CERS3: variants seen among roughly 807,000 people sequenced by gnomAD.
The protein encoded by CERS3 is LAG1 homolog, ceramide synthase 3.
A neutral mutation model predicts 50.3 loss-of-function variants in CERS3; 33 were observed. That is an observed-to-expected ratio of 0.66 (90% CI 0.50 to 0.88). The LOEUF (loss-of-function observed/expected upper bound fraction) is 0.88. CERS3 is among the 40% of genes least tolerant of loss of function. CERS3 has a pLI of 0.00. For missense variants in CERS3, 470 were observed against 460.3 expected (o/e 1.02, Z -0.19); for synonymous variants, 176 against 155.2 (o/e 1.13, Z -0.99).
At chr15:100,416,658 C>T (rs552242270) in intron 11 of CERS3, among the ~76,000 whole-genome samples, 2 of 152,234 alleles carry the variant, frequency 1.3e-5, no homozygotes, top group Non-Finnish European at 2.9e-5. Context: ...GGAAGAGCCC[C>T]TTATAAAACC....
intron 2 of CERS3, among the ~76,000 whole-genome samples, chr15:100,512,548 G>A (rs1203584715): frequency 2.0e-5 from 3 of 152,112 alleles, no homozygotes; most frequent in Non-Finnish European, 4.4e-5. Context: ...CTTTCAAGAG[G>A]GTCTGCATGT....
chr15:100,436,319 G>A (rs1292862371), intron 11 of CERS3, among the ~76,000 whole-genome samples: 1 of 152,202 alleles, frequency 6.6e-6, no homozygotes, highest in Non-Finnish European at 1.5e-5. Flanking sequence ...CATGTCCTTT[G>A]CAGGAACGTG....
chr15:100,477,647 A>G (rs1394620460), intron 7 of CERS3, among the ~76,000 whole-genome samples: 3 of 152,182 alleles, frequency 2.0e-5, no homozygotes, highest in East Asian at 3.8e-4. Flanking sequence ...CATCCTATAC[A>G]TATCATAAAT....
rs968616210 is a variant in CERS3 at position 100,463,661 on chromosome 15, T to C, written c.845+5717A>G. Among the ~76,000 whole-genome samples the C allele has an allele frequency of 8.5e-5, 13 of 152,166 alleles. No individual in the cohort carries two copies. The East Asian group carries it at 2.5e-3, about 30-fold the overall frequency. On this transcript the variant is annotated intron_variant, in intron 10 of 11. Coordinates refer to ENST00000679737, the MANE Select transcript of CERS3 (RefSeq NM_001378789.1). ...CCTGTGGAGTGAGACAGTGAACACA[T>C]GTGGTAGAACAGGTAGTCTCCTTCA...
chr15:100,451,844 A>G (rs1254474215), intron 11 of CERS3, among the ~76,000 whole-genome samples: 1 of 152,244 alleles, frequency 6.6e-6, no homozygotes, highest in Non-Finnish European at 1.5e-5. Flanking sequence ...TATCAGATAC[A>G]GATAAAACAG....
rs529117290 is a variant in CERS3, at chr15:100,463,813, G to A, written c.845+5565C>T. Among the ~76,000 whole-genome samples the A allele has an allele frequency of 2.6e-5, 4 of 152,248 alleles. No homozygotes were observed. In the South Asian group the frequency reaches 8.3e-4, roughly 32 times the overall value. ...CCTTTTCTTTGCTGGTTGCGCAAAC[G>A]GCACTAAGCTGACCATGGTGCCATC... On this transcript the variant is annotated intron_variant, in intron 10 of 11. Transcript: ENST00000679737.
chr15:100,471,507 C>T (rs1026104483), intron 9 of CERS3, among the ~76,000 whole-genome samples: 5 of 152,072 alleles, frequency 3.3e-5, no homozygotes, highest in Non-Finnish European at 7.4e-5. Context: ...TGGACACACA[C>T]CAAAGGCAAT....
chr15:100,440,018 A>G (rs576826288), intron 11 of CERS3, among the ~76,000 whole-genome samples: 25 of 152,320 alleles, frequency 1.6e-4, no homozygotes, highest in African/African-American at 5.3e-4. Flanking sequence ...CTGTTTTCCA[A>G]GCTTCACTCC....
intron 5 of CERS3, among the ~76,000 whole-genome samples, chr15:100,482,366 G>A (rs567158975): frequency 1.2e-4 from 18 of 152,274 alleles, no homozygotes; most frequent in African/African-American, 4.3e-4. Flanking sequence ...AGAGTGGTGA[G>A]AGACACTGCT....
intron 11 of CERS3, among the ~76,000 whole-genome samples, chr15:100,405,084 G>A (rs1290075657): frequency 2.0e-5 from 3 of 152,096 alleles, no homozygotes; most frequent in Non-Finnish European, 4.4e-5. Flanking sequence ...GAAAAAACTG[G>A]CAAACTGGAA....
chr15:100,427,383 A>C (rs557332268), intron 11 of CERS3, among the ~76,000 whole-genome samples: 25 of 152,346 alleles, frequency 1.6e-4, no homozygotes, highest in Non-Finnish European at 2.8e-4. Context: ...CTATCAGCCC[A>C]TATTAAGTGG....
chr15:100,532,190 A>T (rs186708440), upstream of CERS3, among the ~76,000 whole-genome samples: 237 of 152,000 alleles, frequency 1.6e-3, 2 homozygotes, highest in East Asian at 3.9e-4. Context: ...ATGGGGAAGA[A>T]GGGGAAGCGG....
intron 10 of CERS3, among the ~76,000 whole-genome samples, chr15:100,462,096 A>G (rs1229394236): frequency 6.6e-6 from 1 of 152,162 alleles, no homozygotes; most frequent in Non-Finnish European, 1.5e-5. Context: ...GCTAGTCACC[A>G]CCTTACAGCA....
rs187300254 is a variant in CERS3, at chr15:100,412,506, T to C, written c.1000-9641A>G. ...AAGTTTGAGTACTTCAGCTTTGTTC[T>C]TTTTCAAATTTATAAGGGGTGCCCT... is the stretch of plus-strand genomic sequence containing the variant. On this transcript the variant is annotated intron_variant, in intron 11 of 11. Transcript: ENST00000679737. 2.0e-3 allele frequency among the ~76,000 whole-genome samples: 312 copies of C among 152,328 alleles called. 3 individuals carry two copies. The highest frequency in any genetic ancestry group is 7.2e-3 in the African/African-American group (298 of 41,584).
At chr15:100,504,454 T>C (rs1223781751) in intron 2 of CERS3, among the ~76,000 whole-genome samples, 1 of 151,938 alleles carries the variant, frequency 6.6e-6, no homozygotes, top group Non-Finnish European at 1.5e-5. Context: ...TGTTGGTCAG[T>C]CTGGTCTTGA....
intron 3 of CERS3, among the ~76,000 whole-genome samples, chr15:100,496,530 G>A (rs1039330708): frequency 3.9e-5 from 6 of 152,132 alleles, no homozygotes; most frequent in Non-Finnish European, 7.4e-5. Context: ...AGTGGGTAGC[G>A]AGGGTATTAA....
At chr15:100,500,672 C>A (rs11247211) in intron 3 of CERS3, among the ~76,000 whole-genome samples, 2 of 152,008 alleles carry the variant, frequency 1.3e-5, no homozygotes, top group African/African-American at 4.8e-5. Flanking sequence ...AAAAGAAGTA[C>A]ATTTTCAAAT....
chr15:100,463,828 A>G (rs1341118179), intron 10 of CERS3, among the ~76,000 whole-genome samples: 1 of 152,170 alleles, frequency 6.6e-6, no homozygotes, highest in Non-Finnish European at 1.5e-5. Context: ...TAAGCTGACC[A>G]TGGTGCCATC....
chr15:100,526,321 G>C (rs141191410), intron 1 of CERS3, among the ~76,000 whole-genome samples: 1,741 of 152,288 alleles, frequency 0.011, 55 homozygotes, highest in Admixed American at 0.062. Context: ...ATGGCTTGGG[G>C]CCCAAGATAA....
Sources: allele counts gnomAD v4.1 joint callset (sites outside exome capture counted in the v4.1 genomes callset), GRCh38; gene constraint gnomAD v4.1.1; transcripts MANE v1.5; gene names NCBI Gene and HGNC (gene_info 2026-07-23, HGNC 2026-07-21).